The following TDRD7 variants were observed in gnomAD, a reference collection of about 807,000 sequenced individuals.
TDRD7 encodes tudor domain containing 7, also known as tudor domain-containing protein 7.
Under a neutral mutation model 109.8 loss-of-function variants are expected in TDRD7, and 47 were observed. The observed-to-expected ratio is 0.43, with a 90% CI of 0.34 to 0.55. The LOEUF (loss-of-function observed/expected upper bound fraction) is 0.55, where lower values mean the gene tolerates loss of function less well. Among genes scored for constraint, TDRD7 ranks in the 20% least tolerant of loss-of-function variants. TDRD7 has a pLI of 0.03. For synonymous variants in TDRD7, 424 were observed against 457.3 expected, an observed-to-expected ratio of 0.93 and a Z score of 0.93; for missense variants, 1,164 against 1,319.2, an observed-to-expected ratio of 0.88 and a Z score of 1.82.
At position 97,487,163 on chromosome 9, in the gene TDRD7, T is replaced by G; in HGVS notation, c.2916-9T>G. On this transcript the variant is annotated splice_polypyrimidine_tract_variant and intron_variant, in intron 15 of 16. Transcript: ENST00000355295. ...TTTTCTCTTCCTTTTTAATTTAATG[T>G]ACATCTAGGTGGCACAGGGTGCTTT... is the stretch of plus-strand genomic sequence containing the variant. 5 of 1,613,934 alleles carry G rather than the reference T, an allele frequency of 3.1e-6. No homozygotes were observed. Among genetic ancestry groups the G allele is most frequent in the Non-Finnish European group, 4.2e-6 (5 of 1,179,840 alleles).
chr9:97,465,908 A>G (rs1318131205), intron 8 of TDRD7, among the ~76,000 whole-genome samples: 1 of 152,132 alleles, frequency 6.6e-6, no homozygotes, highest in Non-Finnish European at 1.5e-5. Flanking sequence ...TCTGTCCTTC[A>G]TGATGGGAAG....
intron 16 of TDRD7, among the ~76,000 whole-genome samples, chr9:97,490,549 T>TGG (rs35717478): frequency 0.014 from 1,493 of 109,700 alleles, 19 homozygotes; most frequent in Middle Eastern, 0.028. Context: ...TATATTTTGG[T>TGG]GGGGGGGGGG....
At chr9:97,480,975 G>C (rs1438757425) in intron 14 of TDRD7, 37 bp downstream of exon 14, 1 of 1,564,460 alleles carries the variant, frequency 6.4e-7, no homozygotes, top group East Asian at 2.2e-5. Context: ...ATTTAGAAAG[G>C]GAGCTGGCAG....
chr9:97,477,234 C>G (rs1237395863), intron 12 of TDRD7, among the ~76,000 whole-genome samples: 1 of 152,138 alleles, frequency 6.6e-6, no homozygotes, highest in African/African-American at 2.4e-5. Flanking sequence ...GCATAATTAT[C>G]AAAGCCAGGA....
Position 97,471,409 on chromosome 9 carries a change from G to T in TDRD7, c.1741+740G>T, listed in dbSNP as rs117805732. Among the ~76,000 whole-genome samples, 561 of 152,286 alleles carry T rather than the reference G, an allele frequency of 3.7e-3. 3 individuals carry two copies. Among genetic ancestry groups the T allele is most frequent in the Non-Finnish European group, 5.9e-3 (398 of 68,022 alleles). On this transcript the variant is annotated intron_variant, in intron 9 of 16. Coordinates refer to ENST00000355295, the MANE Select transcript of TDRD7 (RefSeq NM_014290.3). Reference sequence around the variant, plus strand: ...AGCTGGGTTTGACTCTTATCTGTGAGATTAACCTGAAGAAATTTTAAAAAC... The same window carrying T: ...AGCTGGGTTTGACTCTTATCTGTGATATTAACCTGAAGAAATTTTAAAAAC...
chr9:97,429,715 T>TA (rs1163129104), intron 2 of TDRD7, among the ~76,000 whole-genome samples: 4 of 152,210 alleles, frequency 2.6e-5, no homozygotes, highest in African/African-American at 9.6e-5. Flanking sequence ...CACCTTGTAA[T>TA]ACATCCGTTA....
intron 8 of TDRD7, among the ~76,000 whole-genome samples, chr9:97,470,037 T>G (rs1828884787): frequency 6.6e-6 from 1 of 152,152 alleles, no homozygotes; most frequent in Admixed American, 6.6e-5. Flanking sequence ...AGCATCTCGG[T>G]CCCTGGAAGC....
chr9:97,421,083 C>T (rs1345530845), intron 1 of TDRD7, among the ~76,000 whole-genome samples: 1 of 149,628 alleles, frequency 6.7e-6, no homozygotes, highest in African/African-American at 2.5e-5. Context: ...TGCAGTGAGC[C>T]GAGATCGGGC....
At chr9:97,472,578 C>A in intron 10 of TDRD7, 83 bp downstream of exon 10, 1 of 1,158,502 alleles carries the variant, frequency 8.6e-7, no homozygotes, top group Non-Finnish European at 1.3e-6. Flanking sequence ...TTTAGGCTAA[C>A]AATTGATAGA....
In TDRD7 at chr9:97,465,040, T is replaced by A; in HGVS notation, c.1629+12T>A. On this transcript the variant is annotated intron_variant, in intron 8 of 16. Transcript: ENST00000355295. ...AGAACAAAATAAAGGCAAGCACTGT[T>A]TACTTTGTCATAGCATTATGGATAC... 6.2e-7 allele frequency: 1 copy of A among 1,612,246 alleles called. No homozygotes were observed. Among genetic ancestry groups the A allele is most frequent in the Non-Finnish European group, 8.5e-7 (1 of 1,179,038 alleles).
At chr9:97,420,878 AT>A (rs1827887989) in intron 1 of TDRD7, among the ~76,000 whole-genome samples, 1 of 152,214 alleles carries the variant, frequency 6.6e-6, no homozygotes, top group South Asian at 2.1e-4. Context: ...TATGTCTGTA[AT>A]CCCAGCATTT....
chr9:97,416,145 C>T (rs1203506644), intron 1 of TDRD7, among the ~76,000 whole-genome samples: 1 of 152,220 alleles, frequency 6.6e-6, no homozygotes, highest in African/African-American at 2.4e-5. Context: ...CAGTCTTATA[C>T]TCCAAGGGAT....
At chr9:97,439,369 A>T (rs1828258208) in intron 5 of TDRD7, 51 bp downstream of exon 5, 1 of 1,464,440 alleles carries the variant, frequency 6.8e-7, no homozygotes. Flanking sequence ...GGAGTCAAGA[A>T]ACATATCTGG....
At chr9:97,487,869 A>T (rs1829238679) in intron 16 of TDRD7, among the ~76,000 whole-genome samples, 1 of 152,208 alleles carries the variant, frequency 6.6e-6, no homozygotes, top group South Asian at 2.1e-4. Flanking sequence ...ATAAATTATA[A>T]TACATCTACA....
Position 97,473,556 on chromosome 9 carries a change from A to G in TDRD7, c.2009A>G (p.Gln670Arg). ...NICSDGTLYC[Q>R]VPCKGLNKLS... is the part of the protein sequence containing the mutation. The stretch of plus-strand genomic sequence containing the variant: ...TGCTCTGATGGGACACTCTACTGCC[A>G]GGTGCCTTGTAAGGGTCTGAACAAG... Residue 670 changes from glutamine to arginine, a missense_variant, in exon 11 of 17, where the codon CAG becomes CGG. Physicochemically the swap from Gln to Arg is conservative, Grantham distance 43 (BLOSUM62 1). Around this residue, in one of 5 missense-constraint regions of TDRD7, gnomAD observed 261 missense variants for 336.2 expected, o/e 0.78. Coordinates refer to ENST00000355295, the MANE Select transcript of TDRD7 (RefSeq NM_014290.3). 1 of 1,613,860 alleles carries G rather than the reference A, an allele frequency of 6.2e-7. No individual in the cohort carries two copies. The highest frequency in any genetic ancestry group is 8.5e-7 in the Non-Finnish European group (1 of 1,179,802).
chr9:97,477,249 G>A (rs1302668003), intron 12 of TDRD7, among the ~76,000 whole-genome samples: 1 of 152,098 alleles, frequency 6.6e-6, no homozygotes, highest in Non-Finnish European at 1.5e-5. Context: ...CCAGGAAATT[G>A]ACATTAATAC....
intron 1 of TDRD7, among the ~76,000 whole-genome samples, chr9:97,423,241 G>T (rs1307656073): frequency 6.6e-6 from 1 of 152,114 alleles, no homozygotes; most frequent in Non-Finnish European, 1.5e-5. Flanking sequence ...ATTTCTTCTT[G>T]AGTAAGCTTT....
At chr9:97,492,304 T>TA (rs1829321704) in intron 16 of TDRD7, among the ~76,000 whole-genome samples, 2 of 152,234 alleles carry the variant, frequency 1.3e-5, no homozygotes, top group Non-Finnish European at 2.9e-5. Flanking sequence ...GAGGTTTAGG[T>TA]ACTGTTACTA....
chr9:97,465,252 C>T (rs964237059), intron 8 of TDRD7, among the ~76,000 whole-genome samples: 3 of 152,166 alleles, frequency 2.0e-5, no homozygotes, highest in African/African-American at 7.2e-5. Context: ...AAAATAAATT[C>T]CCCATGGGAG....
Sources: gnomAD v4.1 joint callset for allele counts (sites outside exome capture counted in the v4.1 genomes callset) on GRCh38, gnomAD v4.1.1 for gene constraint, gnomAD v4.1.1 regional missense constraint, MANE v1.5 for transcripts, NCBI Gene and HGNC (gene_info 2026-07-23, HGNC 2026-07-21) for gene names.